Variants in TAFA2 observed in about 807,000 individuals in gnomAD.
TAFA2 encodes chemokine-like protein TAFA-2.
A neutral mutation model predicts 18.8 loss-of-function variants in TAFA2; 7 were observed. The ratio of observed to expected loss-of-function variants is 0.37; its 90% confidence interval spans 0.21 to 0.70. TAFA2 has a LOEUF of 0.70. TAFA2 is among the 30% of genes least tolerant of loss of function. The probability of loss-of-function intolerance (pLI) is 0.53; values close to 1 mark genes in which losing one functional copy is unlikely to be tolerated. For synonymous variants in TAFA2, 60 were observed against 54.2 expected (o/e 1.11, Z -0.47); for missense variants, 122 against 158.1 (o/e 0.77, Z 1.23).
At chr12:62,178,390 T>C (rs1279663812) in intron 1 of TAFA2, among the ~76,000 whole-genome samples, 7 of 152,308 alleles carry the variant, frequency 4.6e-5, no homozygotes, top group East Asian at 1.9e-4. Flanking sequence ...TTATAATTTT[T>C]CTTAGAGTAG....
At chr12:62,066,321 C>T (rs1271213304) in intron 1 of TAFA2, among the ~76,000 whole-genome samples, 1 of 151,730 alleles carries the variant, frequency 6.6e-6, no homozygotes, top group Non-Finnish European at 1.5e-5. Context: ...CTTAAGTGTC[C>T]TTTTAAGTGT....
intron 1 of TAFA2, among the ~76,000 whole-genome samples, chr12:62,249,024 C>T (rs980440930): frequency 3.9e-5 from 6 of 151,986 alleles, no homozygotes; most frequent in East Asian, 3.9e-4. Flanking sequence ...ATACTTCAGT[C>T]GCATCCCCCA....
intron 1 of TAFA2, among the ~76,000 whole-genome samples, chr12:61,878,577 T>G (rs1370710219): frequency 6.6e-5 from 10 of 152,282 alleles, no homozygotes; most frequent in African/African-American, 2.4e-5. Context: ...TATCACAGAG[T>G]GTGTGCAGAA....
At chr12:62,234,505 C>T (rs1592412751) in intron 1 of TAFA2, 5 of 1,075,942 alleles carry the variant, frequency 4.6e-6, no homozygotes, top group Non-Finnish European at 7.1e-6. Context: ...CTCTTGGCTG[C>T]ACTGATCACA....
chr12:61,767,310 T>C (rs529260867), intron 2 of TAFA2, among the ~76,000 whole-genome samples: 2 of 152,238 alleles, frequency 1.3e-5, no homozygotes, highest in African/African-American at 4.8e-5. Flanking sequence ...TCTAGATTTC[T>C]TTCCAACTCC....
chr12:62,104,539 C>A (rs1869359595), intron 1 of TAFA2, among the ~76,000 whole-genome samples: 1 of 152,046 alleles, frequency 6.6e-6, no homozygotes, highest in Non-Finnish European at 1.5e-5. Context: ...ACATTTTTAC[C>A]ATTGAATAAG....
At chr12:61,876,435 C>A (rs1489052660) in intron 1 of TAFA2, among the ~76,000 whole-genome samples, 2 of 152,144 alleles carry the variant, frequency 1.3e-5, no homozygotes, top group Non-Finnish European at 2.9e-5. Context: ...GAAGGATTCT[C>A]CATTTTATGC....
chr12:61,932,571 C>T (rs1592496392), intron 1 of TAFA2, among the ~76,000 whole-genome samples: 1 of 152,280 alleles, frequency 6.6e-6, no homozygotes, highest in East Asian at 1.9e-4. Flanking sequence ...TCCCAAGTAG[C>T]TGGGATTACA....
intron 2 of TAFA2, among the ~76,000 whole-genome samples, chr12:61,822,497 A>G (rs2121054637): frequency 6.6e-6 from 1 of 152,330 alleles, no homozygotes; most frequent in East Asian, 1.9e-4. Flanking sequence ...CAAAATGCAT[A>G]GAAAGTAAAA....
chr12:61,843,292 T>A (rs1036734977), intron 2 of TAFA2, among the ~76,000 whole-genome samples: 2 of 152,048 alleles, frequency 1.3e-5, no homozygotes, highest in African/African-American at 4.8e-5. Flanking sequence ...CACACTCTGT[T>A]CTTAAAACAA....
intron 4 of TAFA2, among the ~76,000 whole-genome samples, chr12:61,732,997 C>A (rs997894743): frequency 2.0e-5 from 3 of 151,898 alleles, no homozygotes; most frequent in African/African-American, 7.3e-5. Context: ...TAATGAAATC[C>A]AAGAGAAATT....
intron 1 of TAFA2, among the ~76,000 whole-genome samples, chr12:62,073,135 AAAGC>A (rs1459912009): frequency 1.3e-5 from 2 of 152,202 alleles, no homozygotes; most frequent in Non-Finnish European, 2.9e-5. Flanking sequence ...ATGGAAAACA[AAAGC>A]AGGCAATACA....
At chr12:61,980,788 C>G (rs1370187226) in intron 1 of TAFA2, among the ~76,000 whole-genome samples, 1 of 152,158 alleles carries the variant, frequency 6.6e-6, no homozygotes, top group Non-Finnish European at 1.5e-5. Flanking sequence ...CTACAAACCA[C>G]TGCTCAACGA....
chr12:62,062,745 G>A (rs1369492290), intron 1 of TAFA2, among the ~76,000 whole-genome samples: 1 of 152,122 alleles, frequency 6.6e-6, no homozygotes, highest in Non-Finnish European at 1.5e-5. Flanking sequence ...GGCTCTAGAG[G>A]TGAATCCATT....
chr12:62,054,252 CTA>C (rs1882130209), intron 1 of TAFA2, among the ~76,000 whole-genome samples: 1 of 152,210 alleles, frequency 6.6e-6, no homozygotes, highest in African/African-American at 2.4e-5. Flanking sequence ...GAAAGCCTGT[CTA>C]TGTGTGTACA....
chr12:61,956,445 C>T (rs1238348469), intron 1 of TAFA2, among the ~76,000 whole-genome samples: 1 of 151,866 alleles, frequency 6.6e-6, no homozygotes, highest in African/African-American at 2.4e-5. Context: ...TGCTTAGAGA[C>T]CCTAATTTTT....
chr12:61,978,598 G>A (rs1250285030), intron 1 of TAFA2, among the ~76,000 whole-genome samples: 1 of 151,960 alleles, frequency 6.6e-6, no homozygotes, highest in Non-Finnish European at 1.5e-5. Context: ...ATTTCCTCTT[G>A]GTTCTCAGTG....
intron 1 of TAFA2, among the ~76,000 whole-genome samples, chr12:62,210,591 T>C (rs1163369516): frequency 6.6e-6 from 1 of 152,186 alleles, no homozygotes; most frequent in Non-Finnish European, 1.5e-5. Context: ...GTCTGTTTTA[T>C]AGCAACAAAA....
chr12:61,780,754 TA>T (rs1247927531), intron 2 of TAFA2, among the ~76,000 whole-genome samples: 2 of 151,790 alleles, frequency 1.3e-5, no homozygotes, highest in Non-Finnish European at 2.9e-5. Flanking sequence ...TTCCAGTGTT[TA>T]AAAATTCTCC....
Sources: gnomAD v4.1 joint callset for allele counts (sites outside exome capture counted in the v4.1 genomes callset) on GRCh38, gnomAD v4.1.1 for gene constraint, MANE v1.5 for transcripts, NCBI Gene and HGNC (gene_info 2026-07-23, HGNC 2026-07-21) for gene names.